The following HERPUD2 variants were observed in gnomAD, a reference collection of about 807,000 sequenced individuals.
The protein encoded by HERPUD2 is homocysteine-responsive endoplasmic reticulum-resident ubiquitin-like domain member 2 protein.
HERPUD2 carries 13 observed loss-of-function variants against 49.9 expected under a neutral mutation model. That is an observed-to-expected ratio of 0.26 (90% CI 0.17 to 0.41). The LOEUF is 0.41. Ranked by LOEUF, HERPUD2 falls within the 10% of genes least tolerant of loss-of-function variation. The pLI is 1.00. For missense variants in HERPUD2, 449 were observed against 492.2 expected, an observed-to-expected ratio of 0.91 and a Z score of 0.83; for synonymous variants, 172 against 171.4, an observed-to-expected ratio of 1.00 and a Z score of -0.03.
intron 2 of HERPUD2, among the ~76,000 whole-genome samples, chr7:35,674,686 G>T (rs1483273190): frequency 6.6e-6 from 1 of 150,894 alleles, no homozygotes; most frequent in African/African-American, 2.4e-5. Flanking sequence ...CCTCCAGAGA[G>T]GGAGAGTGGC....
At chr7:35,657,134 T>C (rs1785292394) in intron 5 of HERPUD2, among the ~76,000 whole-genome samples, 2 of 152,066 alleles carry the variant, frequency 1.3e-5, no homozygotes, top group African/African-American at 4.8e-5. Context: ...ATGTAGAATA[T>C]ACAAAGAACT....
intron 2 of HERPUD2, among the ~76,000 whole-genome samples, chr7:35,690,629 G>A (rs1475815438): frequency 6.6e-6 from 1 of 152,100 alleles, no homozygotes; most frequent in African/African-American, 2.4e-5. Context: ...GACCAACATG[G>A]TAAAACCCCA....
intron 5 of HERPUD2, among the ~76,000 whole-genome samples, chr7:35,647,092 A>G (rs760708445): frequency 1.3e-5 from 2 of 152,246 alleles, no homozygotes; most frequent in Non-Finnish European, 2.9e-5. Context: ...AAGAGATTAA[A>G]GGAACTGGAA....
In HERPUD2 at chr7:35,655,093, T is replaced by C. The variant is rs1424565360; in HGVS notation, c.494+12341A>G. Among the ~76,000 whole-genome samples, 4 of 152,070 alleles carry C rather than the reference T, an allele frequency of 2.6e-5. No individual in the cohort carries two copies. In the East Asian group the frequency reaches 7.7e-4, roughly 29 times the overall value. On this transcript the variant is annotated intron_variant, in intron 5 of 8. Coordinates refer to ENST00000311350, the MANE Select transcript of HERPUD2 (RefSeq NM_022373.5). Reference sequence around the variant, plus strand: ...TCTCAAAACTTCTGGCCTCAAGCAATCCACCCACCTCAGCCTCCCAATGTG... The same window carrying C: ...TCTCAAAACTTCTGGCCTCAAGCAACCCACCCACCTCAGCCTCCCAATGTG...
At chr7:35,665,421 C>T (rs902936794) in intron 5 of HERPUD2, among the ~76,000 whole-genome samples, 2 of 152,202 alleles carry the variant, frequency 1.3e-5, no homozygotes, top group African/African-American at 4.8e-5. Flanking sequence ...CTGAGCCAGG[C>T]GCGGGATATA....
chr7:35,644,058 A>C (rs548742206), intron 5 of HERPUD2, among the ~76,000 whole-genome samples: 1 of 152,328 alleles, frequency 6.6e-6, no homozygotes, highest in Non-Finnish European at 1.5e-5. Context: ...ATACAAATAA[A>C]GCAAATAAGT....
At chr7:35,688,522 G>A (rs945892682) in intron 2 of HERPUD2, among the ~76,000 whole-genome samples, 1 of 152,216 alleles carries the variant, frequency 6.6e-6, no homozygotes, top group African/African-American at 2.4e-5. Flanking sequence ...CTGGTAGACT[G>A]TGAAGACAGG....
chr7:35,645,298 A>G (rs1285497289), intron 5 of HERPUD2, among the ~76,000 whole-genome samples: 4 of 152,218 alleles, frequency 2.6e-5, no homozygotes, highest in South Asian at 4.1e-4. Flanking sequence ...TGCAATTAAT[A>G]AAGAATGAGA....
Position 35,681,614 on chromosome 7 carries a change from G to T in HERPUD2, c.148-8336C>A, listed in dbSNP as rs58764037. 5.4e-3 allele frequency among the ~76,000 whole-genome samples: 819 copies of T among 152,182 alleles called. 6 individuals carry two copies. The highest frequency in any genetic ancestry group is 0.019 in the African/African-American group (787 of 41,508). On this transcript the variant is annotated intron_variant, in intron 2 of 8. Coordinates refer to ENST00000311350, the MANE Select transcript of HERPUD2 (RefSeq NM_022373.5). ...GACAAATGGGTAAACAAAATATGGT[G>T]TATATAAATATATGCACACACGGAA...
intron 4 of HERPUD2, among the ~76,000 whole-genome samples, chr7:35,668,776 C>T (rs1446562918): frequency 6.6e-6 from 1 of 152,096 alleles, no homozygotes; most frequent in Non-Finnish European, 1.5e-5. Context: ...CAAGATTTCT[C>T]ATTAAATGGG....
chr7:35,678,240 A>T (rs1583565703), intron 2 of HERPUD2, among the ~76,000 whole-genome samples: 1 of 54,444 alleles, frequency 1.8e-5, no homozygotes, highest in Non-Finnish European at 4.7e-5. Context: ...TCACATTATT[A>T]AAAAAAAAAA....
At chr7:35,660,025 C>G (rs1338366059) in intron 5 of HERPUD2, among the ~76,000 whole-genome samples, 1 of 152,150 alleles carries the variant, frequency 6.6e-6, no homozygotes, top group African/African-American at 2.4e-5. Context: ...TATCCCTCCC[C>G]ACTCCCCCAA....
At chr7:35,657,877 G>A (rs945186407) in intron 5 of HERPUD2, among the ~76,000 whole-genome samples, 2 of 147,586 alleles carry the variant, frequency 1.4e-5, no homozygotes, top group Non-Finnish European at 1.5e-5. Flanking sequence ...AGCCGAGATC[G>A]CGCCACTGCA....
chr7:35,683,017 A>G (rs1231000121), intron 2 of HERPUD2, among the ~76,000 whole-genome samples: 10 of 152,128 alleles, frequency 6.6e-5, no homozygotes, highest in Non-Finnish European at 1.0e-4. Context: ...TACAAATTCA[A>G]CGCAATTCCC....
chr7:35,642,497 G>A (rs923693810), intron 5 of HERPUD2, among the ~76,000 whole-genome samples: 2 of 152,118 alleles, frequency 1.3e-5, no homozygotes, highest in African/African-American at 4.8e-5. Context: ...CTATCATAAA[G>A]ACATATGCAT....
intron 2 of HERPUD2, among the ~76,000 whole-genome samples, chr7:35,682,090 TA>T (rs1455512440): frequency 1.3e-5 from 2 of 151,768 alleles, no homozygotes; most frequent in Non-Finnish European, 2.9e-5. Flanking sequence ...CAGGCTGGAG[TA>T]CAGTGGCATG....
intron 2 of HERPUD2, among the ~76,000 whole-genome samples, chr7:35,691,153 A>C (rs1786174957): frequency 1.3e-5 from 2 of 152,330 alleles, no homozygotes; most frequent in Non-Finnish European, 2.9e-5. Context: ...TAGTTATATA[A>C]ATAAATGAAG....
intron 5 of HERPUD2, among the ~76,000 whole-genome samples, chr7:35,662,601 G>A (rs1357823454): frequency 2.6e-5 from 4 of 152,112 alleles, no homozygotes; most frequent in African/African-American, 9.7e-5. Context: ...GTTTAGTCTT[G>A]GGAGGGTGTA....
chr7:35,640,439 T>C (rs1165032107), intron 5 of HERPUD2, among the ~76,000 whole-genome samples: 2 of 152,206 alleles, frequency 1.3e-5, no homozygotes, highest in Non-Finnish European at 2.9e-5. Context: ...TTTTAAAAAG[T>C]TATAGCTTCC....
Sources: allele counts gnomAD v4.1 joint callset (sites outside exome capture counted in the v4.1 genomes callset), GRCh38; gene constraint gnomAD v4.1.1; transcripts MANE v1.5; gene names NCBI Gene and HGNC (gene_info 2026-07-23, HGNC 2026-07-21).